MYH8: variants seen among roughly 807,000 people sequenced by gnomAD.
The protein encoded by MYH8 is myosin heavy chain 8, also known as myosin-8.
Under a neutral mutation model 233.2 loss-of-function variants are expected in MYH8, and 168 were observed. The observed-to-expected ratio is 0.72, with a 90% CI of 0.64 to 0.82. MYH8 has a LOEUF of 0.82. Ranked by LOEUF, MYH8 falls within the 40% of genes least tolerant of loss-of-function variation. The pLI, the probability that MYH8 is intolerant of heterozygous loss-of-function variation, is 0.00. For synonymous variants in MYH8, 785 were observed against 850.6 expected, an observed-to-expected ratio of 0.92 and a Z score of 1.34; for missense variants, 1,995 against 2,327.8, an observed-to-expected ratio of 0.86 and a Z score of 2.94.
intron 15 of MYH8, 100 bp downstream of exon 15, chr17:10,410,677 A>C: frequency 6.3e-7 from 1 of 1,581,558 alleles, no homozygotes; most frequent in East Asian, 2.2e-5. Flanking sequence ...GTTTGTTCAG[A>C]TCACAAACCA....
Position 10,401,672 on chromosome 17 carries a change from C to T in MYH8, c.2802G>A (p.Glu934=), listed in dbSNP as rs147618682. The T allele has an allele frequency of 9.3e-6, 15 of 1,614,036 alleles. No homozygotes were observed. The highest frequency in any genetic ancestry group is 1.3e-5 in the African/African-American group (1 of 74,914). The part of the protein sequence containing the change: ...EVTERAEEEE[E]INAELTAKKR... ...TCTTGGCTGTCAGCTCAGCATTGATCTCTTCCTCCTCCTCAGCTCTTTCAG... is the reference window on the plus strand; with the variant it reads ...TCTTGGCTGTCAGCTCAGCATTGATTTCTTCCTCCTCCTCAGCTCTTTCAG... The change falls in exon 23 of 40, where the codon GAG becomes GAA. Residue 934 remains glutamate (E), a synonymous_variant. Coordinates refer to ENST00000403437, the MANE Select transcript of MYH8 (RefSeq NM_002472.3).
intron 33 of MYH8, among the ~76,000 whole-genome samples, chr17:10,395,996 A>T (rs1244242995): frequency 6.6e-6 from 1 of 152,178 alleles, no homozygotes; most frequent in East Asian, 1.9e-4. Flanking sequence ...TTGTGTCTTT[A>T]AAATTACTGT....
chr17:10,392,568 G>T lies in MYH8; in HGVS notation c.5542C>A (p.Arg1848=), dbSNP rs764912497. The change falls in exon 38 of 40, where the codon CGA becomes AGA. Residue 1848 remains arginine (R), a synonymous_variant. Coordinates refer to ENST00000403437, the MANE Select transcript of MYH8 (RefSeq NM_002472.3). ...EAVKGLRKHE[R]RVKELTYQTE... ...TGGTAGGTGAGTTCTTTTACTCGTC[G>T]CTCATGTTTCCGTAAACCTTTAACA... The T allele has an allele frequency of 6.2e-7, 1 of 1,614,076 alleles. No homozygotes were observed. The highest frequency in any genetic ancestry group is 1.1e-5 in the South Asian group (1 of 91,074).
intron 14 of MYH8, among the ~76,000 whole-genome samples, chr17:10,411,234 GGT>G (rs2072241727): frequency 6.6e-6 from 1 of 151,930 alleles, no homozygotes; most frequent in East Asian, 1.9e-4. Context: ...AAATTATCTG[GGT>G]GTGGTGGCGT....
intron 38 of MYH8, among the ~76,000 whole-genome samples, chr17:10,392,326 T>TTTA (rs1365891178): frequency 2.0e-5 from 3 of 152,218 alleles, no homozygotes; most frequent in African/African-American, 7.2e-5. Context: ...CTTTAAAATC[T>TTTA]GTGTTCTTTA....
chr17:10,396,587 G>A lies in MYH8; in HGVS notation c.4494C>T (p.Leu1498=), dbSNP rs767692982. Residue 1498 remains leucine (L), a synonymous_variant, in exon 32 of 40, where the codon CTC becomes CTT. Coordinates refer to ENST00000403437, the MANE Select transcript of MYH8 (RefSeq NM_002472.3). This position sits in a 1 kb window ranked among gnomAD's most constrained non-coding sequence, Gnocchi z 4.2. ...TCTTATTTTCTCTTCTTAGCGTTTCGAGTTGATCCAGGGATTCCTCATAGA... is the reference window on the plus strand; with the variant it reads ...TCTTATTTTCTCTTCTTAGCGTTTCAAGTTGATCCAGGGATTCCTCATAGA... ...KNVYEESLDQ[L]ETLRRENKNL... The A allele has an allele frequency of 3.1e-5, 50 of 1,613,974 alleles. No homozygotes were observed. In the African/African-American group the frequency reaches 5.7e-4, roughly 19 times the overall value.
Position 10,396,955 on chromosome 17 carries a change from C to T in MYH8, c.4210G>A (p.Glu1404Lys). ...GCGTTCACAGCTTCTACATGTTCCT[C>T]AGCTTCTTGCAGGCGCTGGGCCAAC... is the stretch of plus-strand genomic sequence containing the variant. ...KKLAQRLQEA[E>K]EHVEAVNAKC... Residue 1404 changes from glutamate to lysine, a missense_variant, in exon 31 of 40, where the codon GAG becomes AAG. Physicochemically the swap from Glu to Lys is moderately conservative, Grantham distance 56. Transcript: ENST00000403437. The surrounding 1 kb of genome is among the most constrained non-coding windows in gnomAD (Gnocchi z 4.2). 1 of 1,614,236 alleles carries T rather than the reference C, an allele frequency of 6.2e-7. No individual in the cohort carries two copies. Among genetic ancestry groups the T allele is most frequent in the Admixed American group, 1.7e-5 (1 of 60,030 alleles).
At chr17:10,412,285 C>T in intron 14 of MYH8, 85 bp downstream of exon 14, 2 of 1,613,442 alleles carry the variant, frequency 1.2e-6, no homozygotes, top group Non-Finnish European at 1.7e-6. Flanking sequence ...AATATGGACG[C>T]TATAAATGTG....
intron 17 of MYH8, among the ~76,000 whole-genome samples, chr17:10,408,540 T>C (rs900985624): frequency 1.1e-4 from 17 of 152,214 alleles, no homozygotes; most frequent in African/African-American, 3.6e-4. Flanking sequence ...TTAAGCTACA[T>C]AGGAAAATCA....
At chr17:10,404,726 T>TAA in intron 21 of MYH8, 141 bp from the exon 22 acceptor site, 3 of 776,958 alleles carry the variant, frequency 3.9e-6, no homozygotes, top group Non-Finnish European at 6.1e-6. Context: ...ATGCAGGCTT[T>TAA]ACACACACAC....
At chr17:10,394,923 T>C (rs1483142425) in intron 34 of MYH8, among the ~76,000 whole-genome samples, 1 of 152,232 alleles carries the variant, frequency 6.6e-6, no homozygotes, top group African/African-American at 2.4e-5. Flanking sequence ...TTCTTTCATA[T>C]CATACTGTAA....
In MYH8 at chr17:10,410,773, C is replaced by A. The variant is rs368100654; in HGVS notation, c.1587+4G>T. The A allele has an allele frequency of 2.5e-6, 4 of 1,613,760 alleles. No homozygotes were observed. The highest frequency in any genetic ancestry group is 3.3e-5 in the Admixed American group (2 of 59,988). On this transcript the variant is annotated splice_donor_region_variant and intron_variant, in intron 15 of 39. Transcript: ENST00000403437. ...GTCTGCCCTTCTTTGGAAACCAAAC[C>A]GACCTTCTCAATGAGCTCAATGCAG...
chr17:10,412,542 G>GTT, intron 13 of MYH8, 23 bp from the exon 14 acceptor site: 1 of 1,614,248 alleles, frequency 6.2e-7, no homozygotes, highest in African/African-American at 1.3e-5. Context: ...AGTAATGTTT[G>GTT]TTGGTATTGT....
chr17:10,401,026 T>A lies in MYH8; in HGVS notation c.3254+20A>T. On this transcript the variant is annotated intron_variant, in intron 25 of 39. Transcript: ENST00000403437. Reference sequence around the variant, plus strand: ...TGAAAGATGATATCACATAGAAGTTTTTTTCTAAAAGGCTCCTACTTTTCA... The same window carrying A: ...TGAAAGATGATATCACATAGAAGTTATTTTCTAAAAGGCTCCTACTTTTCA... 1 of 1,614,182 alleles carries A rather than the reference T, an allele frequency of 6.2e-7. No individual in the cohort carries two copies. The highest frequency in any genetic ancestry group is 8.5e-7 in the Non-Finnish European group (1 of 1,179,996).
Position 10,417,057 on chromosome 17 carries a change from G to A in MYH8, c.512-1349C>T, listed in dbSNP as rs4791984. On this transcript the variant is annotated intron_variant, in intron 5 of 39. Coordinates refer to ENST00000403437, the MANE Select transcript of MYH8 (RefSeq NM_002472.3). This position sits in a 1 kb window ranked among gnomAD's most constrained non-coding sequence, Gnocchi z 4.1. The stretch of plus-strand genomic sequence containing the variant: ...CTCTTCCCAGCTTTTGATGTCACTA[G>A]TTTGACTTCTGGCAATACTAAATAA... Among the ~76,000 whole-genome samples, 68,683 of 151,924 alleles carry A rather than the reference G, an allele frequency of 0.45. 16,226 individuals are homozygous for A. Among genetic ancestry groups the A allele is most frequent in the East Asian group, 0.87 (4,482 of 5,176 alleles).
At position 10,419,050 on chromosome 17, in the gene MYH8, C is replaced by T; in HGVS notation, c.211-20G>A. On this transcript the variant is annotated intron_variant, in intron 3 of 39. Coordinates refer to ENST00000403437, the MANE Select transcript of MYH8 (RefSeq NM_002472.3). This position sits in a 1 kb window ranked among gnomAD's most constrained non-coding sequence, Gnocchi z 4.0. ...TAGAGTCTGGTGAGTAAGCAAGAAA[C>T]CAGTTCGTTTTTGTTTGTTTGTTTG... 6.2e-7 allele frequency: 1 copy of T among 1,613,876 alleles called. No individual in the cohort carries two copies. The highest frequency in any genetic ancestry group is 8.5e-7 in the Non-Finnish European group (1 of 1,179,938).
chr17:10,393,123 G>C lies in MYH8; in HGVS notation c.5254C>G (p.Arg1752Gly), dbSNP rs779138246. The change falls in exon 36 of 40, where the codon CGC (arginine) becomes GGC (glycine). Residue 1752 changes from arginine to glycine, a missense_variant. Arg to Gly is a moderately radical substitution (Grantham distance 125). This residue lies in a region of MYH8 where 1,498 missense variants were observed against 1,680.9 expected (regional missense o/e 0.89). Transcript: ENST00000403437. ...SEVEEVIQES[R>G]NAEEKAKKAI... ...TTCTTGGCTTTCTCTTCTGCATTGC[G>C]TGATTCTTGGATTACTTCTTCCACT... is the stretch of plus-strand genomic sequence containing the variant. 1.2e-6 allele frequency: 2 copies of C among 1,614,190 alleles called. No homozygotes were observed. Among genetic ancestry groups the C allele is most frequent in the Non-Finnish European group, 1.7e-6 (2 of 1,180,040 alleles).
Position 10,400,968 on chromosome 17 carries a change from A to G in MYH8, c.3255-9T>C, listed in dbSNP as rs755215540. On this transcript the variant is annotated splice_polypyrimidine_tract_variant and intron_variant, in intron 25 of 39. Transcript: ENST00000403437. The surrounding 1 kb of genome is among the most constrained non-coding windows in gnomAD (Gnocchi z 4.0). ...TGATTTCAAATTCTTTCCTTTAGACAGAAGAGCAAGACGTATTAATACTCA... is the reference window on the plus strand; with the variant it reads ...TGATTTCAAATTCTTTCCTTTAGACGGAAGAGCAAGACGTATTAATACTCA... 16 of 1,613,654 alleles carry G rather than the reference A, an allele frequency of 9.9e-6. No homozygotes were observed. The East Asian group carries it at 2.0e-4, about 20-fold the overall frequency.
rs2072067260 is a variant in MYH8 at position 10,395,133 on chromosome 17, C to CT, written c.4961dup (p.Glu1655GlyfsTer8). The CT allele has an allele frequency of 6.2e-7, 1 of 1,613,088 alleles. No individual in the cohort carries two copies. The highest frequency in any genetic ancestry group is 2.2e-5 in the East Asian group (1 of 44,886). On this transcript the variant is annotated frameshift_variant and splice_region_variant, in exon 34 of 40. Coordinates refer to ENST00000403437, the MANE Select transcript of MYH8 (RefSeq NM_002472.3). LOFTEE classifies it high-confidence loss of function. ...GGGAGGCGAATGTGGACCCGTTTAC[C>CT]TTCAGGATTCCTTGGGTGTTCCTGT...
Sources: allele counts gnomAD v4.1 joint callset (sites outside exome capture counted in the v4.1 genomes callset), GRCh38; gene constraint gnomAD v4.1.1; regional missense constraint gnomAD v4.1.1; non-coding constraint Gnocchi (gnomAD v3.1); transcripts MANE v1.5; gene names NCBI Gene and HGNC (gene_info 2026-07-23, HGNC 2026-07-21).